CLEC16A: variants seen among roughly 807,000 people sequenced by gnomAD.
CLEC16A encodes the protein C-type lectin domain containing 16A.
Under a neutral mutation model 109.5 loss-of-function variants are expected in CLEC16A, and 51 were observed. The observed-to-expected ratio is 0.47, with a 90% confidence interval of 0.37 to 0.59. The LOEUF is 0.59. CLEC16A is among the 20% of genes least tolerant of loss of function. The pLI, the probability that CLEC16A is intolerant of heterozygous loss-of-function variation, is 0.00. For synonymous variants in CLEC16A, 673 were observed against 564.2 expected (o/e 1.19, Z -2.73); for missense variants, 1,339 against 1,394.0 (o/e 0.96, Z 0.63).
chr16:10,953,277 G>A (rs1471809781), intron 1 of CLEC16A, among the ~76,000 whole-genome samples: 1 of 152,212 alleles, frequency 6.6e-6, no homozygotes, highest in Admixed American at 6.5e-5. Context: ...CAGTAGAGAA[G>A]TGAGGGCCTT....
chr16:11,119,989 A>C (rs144207937), intron 19 of CLEC16A, among the ~76,000 whole-genome samples: 155 of 103,584 alleles, frequency 1.5e-3, no homozygotes, highest in African/African-American at 5.9e-3. Flanking sequence ...GTTTTGTTTG[A>C]GACGGAGTTT....
intron 19 of CLEC16A, among the ~76,000 whole-genome samples, chr16:11,094,669 G>A (rs1449235013): frequency 6.6e-6 from 1 of 152,198 alleles, no homozygotes; most frequent in Non-Finnish European, 1.5e-5. Context: ...GTGGGGCCCT[G>A]CATGCCTGCC....
Position 10,987,513 on chromosome 16 carries a change from G to A in CLEC16A, c.1071+4522G>A, listed in dbSNP as rs140065318. ...CACAAACTGCCTTTGGGATGTAAGA[G>A]CCAGTTGTGGTGGACACCTGAACTG... On this transcript the variant is annotated intron_variant, in intron 10 of 23. Transcript: ENST00000409790. Among the ~76,000 whole-genome samples the A allele has an allele frequency of 3.7e-3, 568 of 152,288 alleles. 6 individuals carry two copies. Among genetic ancestry groups the A allele is most frequent in the Non-Finnish European group, 6.1e-3 (414 of 68,022 alleles).
intron 19 of CLEC16A, among the ~76,000 whole-genome samples, chr16:11,095,771 C>A (rs544818267): frequency 6.7e-6 from 1 of 149,628 alleles, no homozygotes; most frequent in Non-Finnish European, 1.5e-5. Flanking sequence ...GAGATCGTAC[C>A]GCTGCACTCC....
intron 22 of CLEC16A, among the ~76,000 whole-genome samples, chr16:11,147,852 G>A (rs560018873): frequency 1.3e-5 from 2 of 152,126 alleles, no homozygotes; most frequent in African/African-American, 2.4e-5. Context: ...CAGTCCAAAT[G>A]TAAAAAAAGA....
At chr16:11,065,303 C>G (rs894976162) in intron 19 of CLEC16A, among the ~76,000 whole-genome samples, 2 of 152,184 alleles carry the variant, frequency 1.3e-5, no homozygotes, top group African/African-American at 4.8e-5. Context: ...ACCTGGCAAC[C>G]AGGTGTGTTC....
At chr16:11,151,776 C>G (rs2054299212) in intron 22 of CLEC16A, among the ~76,000 whole-genome samples, 1 of 152,180 alleles carries the variant, frequency 6.6e-6, no homozygotes, top group Non-Finnish European at 1.5e-5. Flanking sequence ...CACCAGCTCA[C>G]TGTTGCAAAA....
At chr16:10,963,730 C>G (rs928700713) in intron 3 of CLEC16A, among the ~76,000 whole-genome samples, 3 of 152,216 alleles carry the variant, frequency 2.0e-5, no homozygotes, top group African/African-American at 7.2e-5. Flanking sequence ...CACCCAGGCG[C>G]CAGCTCTAGC....
chr16:11,064,175 G>A (rs1017483285), intron 19 of CLEC16A, among the ~76,000 whole-genome samples: 7 of 152,206 alleles, frequency 4.6e-5, no homozygotes, highest in Admixed American at 3.9e-4. Flanking sequence ...GTGTATTAAA[G>A]CAAATGGAAG....
intron 22 of CLEC16A, chr16:11,156,952 A>G: frequency 3.9e-6 from 1 of 253,644 alleles, no homozygotes; most frequent in Non-Finnish European, 7.3e-6. Context: ...CGGTAGCAAA[A>G]GGGGCATTAG....
intron 19 of CLEC16A, among the ~76,000 whole-genome samples, chr16:11,118,078 A>G (rs1476848318): frequency 6.6e-6 from 1 of 152,014 alleles, no homozygotes; most frequent in Non-Finnish European, 1.5e-5. Context: ...GGGCTCAAGC[A>G]GTCCTCCCGC....
intron 18 of CLEC16A, among the ~76,000 whole-genome samples, chr16:11,055,850 T>G (rs995357479): frequency 2.8e-4 from 42 of 152,136 alleles, no homozygotes; most frequent in Admixed American, 5.2e-4. Flanking sequence ...CGGCCTCCCA[T>G]GGTGCTGGGA....
chr16:10,984,069 T>C (rs1040904889), intron 10 of CLEC16A, among the ~76,000 whole-genome samples: 1 of 152,174 alleles, frequency 6.6e-6, no homozygotes, highest in African/African-American at 2.4e-5. Flanking sequence ...GTTTCCTCTC[T>C]GCAGCCAGGT....
chr16:11,082,515 T>TGA (rs1206789332), intron 19 of CLEC16A, among the ~76,000 whole-genome samples: 1 of 152,204 alleles, frequency 6.6e-6, no homozygotes, highest in Admixed American at 6.5e-5. Flanking sequence ...AGGTAAGACT[T>TGA]GATGAGGCTT....
At chr16:11,053,683 A>C (rs986345707) in intron 18 of CLEC16A, among the ~76,000 whole-genome samples, 1 of 152,138 alleles carries the variant, frequency 6.6e-6, no homozygotes, top group Non-Finnish European at 1.5e-5. Flanking sequence ...CAGGGGAAGA[A>C]ATTGATGCAT....
intron 19 of CLEC16A, among the ~76,000 whole-genome samples, chr16:11,105,171 A>T (rs992263084): frequency 6.6e-6 from 1 of 152,216 alleles, no homozygotes; most frequent in Non-Finnish European, 1.5e-5. Context: ...TTCCGAGAGC[A>T]GAGATAAGTG....
intron 22 of CLEC16A, chr16:11,156,639 C>A (rs2054533648): frequency 7.7e-7 from 1 of 1,304,180 alleles, no homozygotes; most frequent in Admixed American, 2.3e-5. Context: ...AGTGCCTTGG[C>A]TGACAGACTG....
At position 10,948,084 on chromosome 16, in the gene CLEC16A, G is replaced by A. The variant is rs549289758; in HGVS notation, c.80+3287G>A. On this transcript the variant is annotated intron_variant, in intron 1 of 23. Transcript: ENST00000409790. Reference sequence around the variant, plus strand: ...AATTTTTTGTATTTTTAGTAGAGACGGGGTTTCACCGTGTTAGCCAGGATG... The same window carrying A: ...AATTTTTTGTATTTTTAGTAGAGACAGGGTTTCACCGTGTTAGCCAGGATG... 8.0e-3 allele frequency among the ~76,000 whole-genome samples: 1,220 copies of A among 152,008 alleles called. 6 individuals carry two copies. Among genetic ancestry groups the A allele is most frequent in the Non-Finnish European group, 0.012 (782 of 67,966 alleles).
At chr16:11,002,967 T>A (rs2044756597) in intron 10 of CLEC16A, 107 bp from the exon 11 acceptor site, 2 of 798,332 alleles carry the variant, frequency 2.5e-6, no homozygotes, top group Admixed American at 5.7e-5. Flanking sequence ...TATAATGGTT[T>A]CTTTTGGAGA....
Sources: gnomAD v4.1 joint callset for allele counts (sites outside exome capture counted in the v4.1 genomes callset) on GRCh38, gnomAD v4.1.1 for gene constraint, MANE v1.5 for transcripts, NCBI Gene and HGNC (gene_info 2026-07-23, HGNC 2026-07-21) for gene names.